The following WNT2 variants were observed in gnomAD, a reference collection of about 807,000 sequenced individuals.
WNT2 encodes Wnt family member 2.
Under a neutral mutation model 36.9 loss-of-function variants are expected in WNT2, and 12 were observed. The observed-to-expected ratio is 0.33, with a 90% CI of 0.21 to 0.53. The LOEUF (loss-of-function observed/expected upper bound fraction) is 0.53. Among genes scored for constraint, WNT2 ranks in the 20% least tolerant of loss-of-function variants. WNT2 has a pLI of 0.95. For synonymous variants in WNT2, 163 were observed against 174.6 expected, an observed-to-expected ratio of 0.93 and a Z score of 0.52; for missense variants, 379 against 473.1, an observed-to-expected ratio of 0.80 and a Z score of 1.84.
In WNT2 at chr7:117,277,977, G is replaced by C; in HGVS notation, c.*178C>G. 3.2e-6 allele frequency: 2 copies of C among 634,750 alleles called. No individual in the cohort carries two copies. Among genetic ancestry groups the C allele is most frequent in the Non-Finnish European group, 5.5e-6 (2 of 363,472 alleles). The allele number at this position is 634,750 out of a possible 1,614,324, so 39.3% of individuals were successfully genotyped here. The stretch of plus-strand genomic sequence containing the variant: ...GATGGATAGAATAGGGTAGGCTTTA[G>C]GTGCAGCGTGTGGCCCCCCCATCCT... On this transcript the variant is annotated 3_prime_UTR_variant, in exon 5 of 5. Transcript: ENST00000265441.
At position 117,310,582 on chromosome 7, in the gene WNT2, C is replaced by CAAAAAAAA. The variant is rs774296887; in HGVS notation, c.588+4481_588+4488dup. ...TGGGTAACAAAGCGAGACCCTGTCT[C>CAAAAAAAA]AAAAAAAAAAAAAAAAAAAAAAAAG... On this transcript the variant is annotated intron_variant, in intron 3 of 4. Transcript: ENST00000265441. Among the ~76,000 whole-genome samples, 2 of 55,044 alleles carry CAAAAAAAA rather than the reference C, an allele frequency of 3.6e-5. 1 individual carries two copies. 36.1% of individuals were successfully genotyped at this position (55,044 alleles called of 152,430 possible).
intron 2 of WNT2, 97 bp downstream of exon 2, chr7:117,320,469 TA>T: frequency 8.2e-7 from 1 of 1,224,818 alleles, no homozygotes; most frequent in Non-Finnish European, 1.2e-6. Context: ...TCTGATGGAA[TA>T]AAATGCAATA....
intron 4 of WNT2, among the ~76,000 whole-genome samples, chr7:117,291,843 T>C (rs1377515705): frequency 6.6e-6 from 1 of 151,814 alleles, no homozygotes; most frequent in Non-Finnish European, 1.5e-5. Context: ...AATGGTGTGA[T>C]CTCGGCTCAC....
chr7:117,311,502 T>G (rs1172571853), intron 3 of WNT2, among the ~76,000 whole-genome samples: 1 of 152,212 alleles, frequency 6.6e-6, no homozygotes, highest in Non-Finnish European at 1.5e-5. Flanking sequence ...ATCTGAAAAG[T>G]AGAAATATGA....
At chr7:117,295,879 G>A (rs1003509315) in intron 4 of WNT2, among the ~76,000 whole-genome samples, 2 of 152,158 alleles carry the variant, frequency 1.3e-5, no homozygotes, top group Non-Finnish European at 2.9e-5. Flanking sequence ...GTGGTTCTTG[G>A]TTGGTGTTGA....
chr7:117,299,950 A>G (rs1794871420), intron 3 of WNT2, among the ~76,000 whole-genome samples: 1 of 152,230 alleles, frequency 6.6e-6, no homozygotes, highest in Non-Finnish European at 1.5e-5. Context: ...TGACAGGATC[A>G]TCTGTGCAAC....
chr7:117,286,046 C>T (rs777583592), intron 4 of WNT2, among the ~76,000 whole-genome samples: 18 of 152,164 alleles, frequency 1.2e-4, no homozygotes, highest in African/African-American at 4.1e-4. Flanking sequence ...GAAGGAGCTG[C>T]TTCCAGCCAG....
intron 1 of WNT2, among the ~76,000 whole-genome samples, chr7:117,321,226 C>T (rs1795320348): frequency 6.6e-6 from 1 of 152,208 alleles, no homozygotes; most frequent in African/African-American, 2.4e-5. Flanking sequence ...ACCTTAGAAG[C>T]TCTTCGTTCC....
rs779778873 is a variant in WNT2 at position 117,278,241 on chromosome 7, C to T, written c.997G>A (p.Ala333Thr). ...KCGCKFHWCC[A>T]VRCQDCLEAL... ...TCCAGGCAGTCCTGACAGCGCACGG[C>T]GCAGCACCAGTGGAACTTACACCCA... Residue 333 changes from alanine to threonine, a missense_variant, in exon 5 of 5, where the codon GCC becomes ACC. Transcript: ENST00000265441. 55 of 1,614,108 alleles carry T rather than the reference C, an allele frequency of 3.4e-5. No individual in the cohort carries two copies. Among genetic ancestry groups the T allele is most frequent in the South Asian group, 1.2e-4 (11 of 91,088 alleles).
intron 4 of WNT2, among the ~76,000 whole-genome samples, chr7:117,289,092 C>T (rs767922775): frequency 1.4e-4 from 16 of 116,932 alleles, no homozygotes; most frequent in Admixed American, 1.3e-3. Context: ...CAGAGTCTTG[C>T]TCTGTTGCTC....
intron 4 of WNT2, among the ~76,000 whole-genome samples, chr7:117,282,245 T>C (rs577458662): frequency 6.6e-6 from 1 of 152,260 alleles, no homozygotes; most frequent in East Asian, 1.9e-4. Flanking sequence ...ACAGGTCATG[T>C]GGGTGTGTCC....
At chr7:117,291,859 C>T (rs192494621) in intron 4 of WNT2, among the ~76,000 whole-genome samples, 14 of 151,650 alleles carry the variant, frequency 9.2e-5, no homozygotes, top group Admixed American at 8.5e-4. Context: ...CTCACCACAA[C>T]CTCCACCTCC....
At chr7:117,298,944 A>G (rs928925552) in intron 3 of WNT2, among the ~76,000 whole-genome samples, 2 of 152,152 alleles carry the variant, frequency 1.3e-5, no homozygotes, top group Non-Finnish European at 2.9e-5. Flanking sequence ...CCTTGGCACT[A>G]GGTGTTTTTC....
rs1794351154 is a variant in WNT2, at chr7:117,275,878, CCTACG to C, written c.*2272_*2276del. On this transcript the variant is annotated 3_prime_UTR_variant, in exon 5 of 5. Coordinates refer to ENST00000265441, the MANE Select transcript of WNT2 (RefSeq NM_003391.3). Reference sequence around the variant, plus strand: ...TGGATTAGGACAATTTATGTAGGTTCCTACGTGGATATCCTTGTCCCCTTGCTACT... The same window carrying C: ...TGGATTAGGACAATTTATGTAGGTTCTGGATATCCTTGTCCCCTTGCTACT... 6.6e-6 allele frequency among the ~76,000 whole-genome samples: 1 copy of C among 152,170 alleles called. No homozygotes were observed.
At chr7:117,321,326 C>A (rs927019981) in intron 1 of WNT2, among the ~76,000 whole-genome samples, 1 of 152,208 alleles carries the variant, frequency 6.6e-6, no homozygotes, top group African/African-American at 2.4e-5. Context: ...CACAGACAGG[C>A]TGTTCTTTCC....
At chr7:117,281,087 GAATGGGGTAAACAGC>G (rs1226116325) in intron 4 of WNT2, among the ~76,000 whole-genome samples, 2 of 152,204 alleles carry the variant, frequency 1.3e-5, no homozygotes, top group African/African-American at 4.8e-5. Context: ...TGCAGGTAAA[GAATGGGGTAAACAGC>G]AACCTGGGCA....
chr7:117,314,018 A>G (rs1462338540), intron 3 of WNT2, among the ~76,000 whole-genome samples: 2 of 151,968 alleles, frequency 1.3e-5, no homozygotes, highest in Non-Finnish European at 2.9e-5. Flanking sequence ...CTTTTCTATT[A>G]TTTTTCCTAT....
chr7:117,314,899 T>G (rs371085340), intron 3 of WNT2, among the ~76,000 whole-genome samples, 172 bp downstream of exon 3: 5 of 152,294 alleles, frequency 3.3e-5, no homozygotes, highest in East Asian at 3.9e-4. Context: ...GGTGGGAATA[T>G]TTCAACCTAG....
In WNT2 at chr7:117,315,067, A is replaced by G. The variant is rs763393187; in HGVS notation, c.588+4T>C. On this transcript the variant is annotated splice_donor_region_variant and intron_variant, in intron 3 of 4. Coordinates refer to ENST00000265441, the MANE Select transcript of WNT2 (RefSeq NM_003391.3). ...ACAAAATGAGCACCGTTGCATTTCC[A>G]TACCTTCCTGCCAGCTCTGTTGTTG... 3 of 1,613,568 alleles carry G rather than the reference A, an allele frequency of 1.9e-6. No individual in the cohort carries two copies. Among genetic ancestry groups the G allele is most frequent in the Non-Finnish European group, 2.5e-6 (3 of 1,179,752 alleles).
Sources: allele counts gnomAD v4.1 joint callset (sites outside exome capture counted in the v4.1 genomes callset), GRCh38; gene constraint gnomAD v4.1.1; transcripts MANE v1.5; gene names NCBI Gene and HGNC (gene_info 2026-07-23, HGNC 2026-07-21).